The following TENM2 variants were observed in gnomAD, a reference collection of about 807,000 sequenced individuals.
TENM2 encodes teneurin-2.
Under a neutral mutation model 245.2 loss-of-function variants are expected in TENM2, and 52 were observed. The observed-to-expected ratio is 0.21, with a 90% CI of 0.17 to 0.27. The LOEUF (loss-of-function observed/expected upper bound fraction) is 0.27, where lower values mean the gene tolerates loss of function less well. Among genes scored for constraint, TENM2 ranks in the 10% least tolerant of loss-of-function variants. The probability of loss-of-function intolerance (pLI) is 1.00; values close to 1 mark genes in which losing one functional copy is unlikely to be tolerated. For missense variants in TENM2, 3,046 were observed against 3,666.8 expected, an observed-to-expected ratio of 0.83 and a Z score of 4.37; for synonymous variants, 1,363 against 1,438.9, an observed-to-expected ratio of 0.95 and a Z score of 1.19.
At chr5:168,169,197 G>A (rs547999772) in intron 13 of TENM2, among the ~76,000 whole-genome samples, 45 of 152,278 alleles carry the variant, frequency 3.0e-4, no homozygotes, top group African/African-American at 7.9e-4. Flanking sequence ...TCTTCAGCTC[G>A]TCTCCATGGA....
chr5:167,853,747 A>ATTCT (rs1770818715), intron 2 of TENM2, among the ~76,000 whole-genome samples: 2 of 152,212 alleles, frequency 1.3e-5, no homozygotes, highest in Admixed American at 1.3e-4. Context: ...CTTTTCACTT[A>ATTCT]TTCTGTGCAG....
At chr5:167,696,035 A>T (rs1294894655) in intron 2 of TENM2, among the ~76,000 whole-genome samples, 1 of 151,906 alleles carries the variant, frequency 6.6e-6, no homozygotes, top group Non-Finnish European at 1.5e-5. Context: ...CTCCGTCAAA[A>T]AAAAACAAAA....
intron 13 of TENM2, chr5:168,186,066 T>G (rs922504866): frequency 1.3e-5 from 2 of 151,064 alleles, no homozygotes; most frequent in African/African-American, 2.4e-5. Context: ...CAATTATAAC[T>G]CAGTTTTTAA....
chr5:167,688,919 G>C (rs1006851653), intron 2 of TENM2, among the ~76,000 whole-genome samples: 1 of 152,150 alleles, frequency 6.6e-6, no homozygotes. Context: ...GTGGTCATAA[G>C]TTTACACTAA....
At chr5:167,079,931 C>T in the TENM2 span, among the ~76,000 whole-genome samples, 2 of 152,166 alleles carry the variant, frequency 1.3e-5, no homozygotes, top group Non-Finnish European at 2.9e-5. Flanking sequence ...CTAAATCCAG[C>T]AGTGGGCCTT....
intron 5 of TENM2, among the ~76,000 whole-genome samples, chr5:168,001,496 C>T (rs748697828): frequency 2.0e-5 from 3 of 152,164 alleles, no homozygotes; most frequent in Non-Finnish European, 2.9e-5. Flanking sequence ...GAAAAGAAAG[C>T]AATCGCTACA....
intron 7 of TENM2, among the ~76,000 whole-genome samples, chr5:168,064,484 G>A (rs570135887): frequency 6.6e-6 from 1 of 152,246 alleles, no homozygotes; most frequent in South Asian, 2.1e-4. Context: ...AGTCAAGTTG[G>A]TAACTCTCTG....
intron 2 of TENM2, among the ~76,000 whole-genome samples, chr5:167,733,201 ACTC>A (rs1003115578): frequency 6.6e-6 from 1 of 151,828 alleles, no homozygotes; most frequent in African/African-American, 2.4e-5. Context: ...ACATCCACTA[ACTC>A]CTCATCTCCT....
intron 17 of TENM2, among the ~76,000 whole-genome samples, chr5:168,202,654 T>TGGTCATTTG (rs775108971): frequency 6.6e-6 from 1 of 151,894 alleles, no homozygotes; most frequent in Non-Finnish European, 1.5e-5. Context: ...CTGCTGGGGC[T>TGGTCATTTG]GGTCATTTGG....
intron 2 of TENM2, among the ~76,000 whole-genome samples, chr5:167,803,982 A>G (rs576779793): frequency 8.2e-4 from 125 of 152,172 alleles, no homozygotes; most frequent in Non-Finnish European, 1.6e-3. Context: ...ATACTTCAAA[A>G]TCCTAAACTT....
intron 2 of TENM2, among the ~76,000 whole-genome samples, chr5:167,534,635 G>C (rs1771731786): frequency 6.6e-6 from 1 of 152,314 alleles, no homozygotes; most frequent in African/African-American, 2.4e-5. Flanking sequence ...AACCATTTGA[G>C]TGGTATCTGA....
chr5:167,422,037 G>T (rs1238297870), intron 2 of TENM2, among the ~76,000 whole-genome samples: 2 of 152,086 alleles, frequency 1.3e-5, no homozygotes, highest in African/African-American at 2.4e-5. Context: ...TGATCCACCT[G>T]CCTCAACCTC....
At chr5:168,014,893 G>T (rs1470590643) in intron 5 of TENM2, among the ~76,000 whole-genome samples, 7 of 152,164 alleles carry the variant, frequency 4.6e-5, no homozygotes, top group Admixed American at 3.9e-4. Context: ...CAGCCAAGCA[G>T]TTCATGAGGC....
At chr5:168,177,541 G>A (rs1257950543) in intron 13 of TENM2, among the ~76,000 whole-genome samples, 2 of 152,278 alleles carry the variant, frequency 1.3e-5, no homozygotes, top group East Asian at 1.9e-4. Context: ...GAGTAGATGC[G>A]AAGATTAAAT....
At chr5:168,137,923 A>T (rs1755202257) in intron 12 of TENM2, among the ~76,000 whole-genome samples, 1 of 152,212 alleles carries the variant, frequency 6.6e-6, no homozygotes. Flanking sequence ...GTGTTATCGT[A>T]TCCTAGAGAG....
At chr5:167,063,375 T>G in the TENM2 span, among the ~76,000 whole-genome samples, 1 of 152,230 alleles carries the variant, frequency 6.6e-6, no homozygotes, top group Admixed American at 6.5e-5. Flanking sequence ...GGTCTAGGAC[T>G]GGTTTCAAAA....
chr5:167,020,002 T>C, the TENM2 span, among the ~76,000 whole-genome samples: 2 of 152,136 alleles, frequency 1.3e-5, no homozygotes, highest in African/African-American at 4.8e-5. Flanking sequence ...TAATAAAATC[T>C]GGGAAAGTGT....
intron 3 of TENM2, among the ~76,000 whole-genome samples, chr5:167,895,656 A>C (rs1775158954): frequency 6.6e-6 from 1 of 152,236 alleles, no homozygotes; most frequent in African/African-American, 2.4e-5. Context: ...AGATTTATTT[A>C]ATTCACTATG....
rs1766652256 is a variant in TENM2 at position 168,247,143 on chromosome 5, T to C, written c.6204T>C (p.Ile2068=). ...CCTGCACCATCAGGTACCGGAAGAT[T>C]GGCCCCCTGGTGGACAAGCAGATCT... is the stretch of plus-strand genomic sequence containing the variant. The change falls in exon 27 of 29, where the codon ATT becomes ATC. Residue 2068 remains isoleucine, a synonymous_variant. Coordinates refer to ENST00000518659, the Ensembl canonical transcript of TENM2. The surrounding 1 kb of genome is among the most constrained non-coding windows in gnomAD (Gnocchi z 7.8). 1 of 1,613,850 alleles carries C rather than the reference T, an allele frequency of 6.2e-7. No homozygotes were observed. The highest frequency in any genetic ancestry group is 8.5e-7 in the Non-Finnish European group (1 of 1,179,874).
Sources: gnomAD v4.1 joint callset for allele counts (sites outside exome capture counted in the v4.1 genomes callset) on GRCh38, gnomAD v4.1.1 for gene constraint, Gnocchi (gnomAD v3.1) non-coding constraint, MANE v1.5 for transcripts, NCBI Gene and HGNC (gene_info 2026-07-23, HGNC 2026-07-21) for gene names.